The following DMXL1 variants were observed in gnomAD, a reference collection of about 807,000 sequenced individuals.
DMXL1 encodes the protein dmX-like protein 1.
A neutral mutation model predicts 319.2 loss-of-function variants in DMXL1; 99 were observed. That is an observed-to-expected ratio of 0.31 (90% CI 0.26 to 0.37). The LOEUF is 0.37. Among genes scored for constraint, DMXL1 ranks in the 10% least tolerant of loss-of-function variants. The pLI, the probability that DMXL1 is intolerant of heterozygous loss-of-function variation, is 1.00. For synonymous variants in DMXL1, 1,385 were observed against 1,235.2 expected (o/e 1.12, Z -2.54); for missense variants, 3,745 against 3,595.6 (o/e 1.04, Z -1.06).
chr5:119,134,280 A>G lies in DMXL1; in HGVS notation c.2267A>G (p.Asn756Ser), dbSNP rs932373218. 8.1e-6 allele frequency: 13 copies of G among 1,611,808 alleles called. No homozygotes were observed. Among genetic ancestry groups the G allele is most frequent in the South Asian group, 1.1e-5 (1 of 90,528 alleles). ...AAATACTTTCTAGGTGCATACTGCA[A>G]CTCTCCTAGTGCATGCTTTGTAGCC... ...IPSYCLGAYCNSPSACFVASD... is the reference protein window; with the variant it reads ...IPSYCLGAYCSSPSACFVASD... The change falls in exon 13 of 44, where the codon AAC becomes AGC. Residue 756 changes from asparagine to serine, a missense_variant. Transcript: ENST00000539542.
At chr5:119,112,411 T>C (rs1759837537) in intron 5 of DMXL1, among the ~76,000 whole-genome samples, 1 of 152,182 alleles carries the variant, frequency 6.6e-6, no homozygotes, top group African/African-American at 2.4e-5. Context: ...GCTTAGAATA[T>C]TGCTATGAAC....
At chr5:119,177,531 A>T (rs1236666522) in intron 27 of DMXL1, 47 bp downstream of exon 27, 3 of 1,490,288 alleles carry the variant, frequency 2.0e-6, no homozygotes, top group Non-Finnish European at 2.7e-6. Context: ...CTTATTTATA[A>T]TCTTAGATAA....
chr5:119,110,362 A>G, intron 5 of DMXL1, 79 bp downstream of exon 5: 1 of 1,276,458 alleles, frequency 7.8e-7, no homozygotes, highest in Non-Finnish European at 1.0e-6. Context: ...TTAGTTGTGT[A>G]AAACCACACT....
intron 1 of DMXL1, among the ~76,000 whole-genome samples, chr5:119,078,087 A>C (rs770642109): frequency 6.6e-6 from 1 of 151,988 alleles, no homozygotes; most frequent in South Asian, 2.1e-4. Flanking sequence ...TTATTTAAGA[A>C]TTTAGTGGTA....
chr5:119,105,153 G>A, intron 3 of DMXL1, 27 bp from the exon 4 acceptor site: 1 of 1,447,694 alleles, frequency 6.9e-7, no homozygotes, highest in Non-Finnish European at 9.7e-7. Context: ...CAATCATAAT[G>A]GGCTAAATGA....
Position 119,170,784 on chromosome 5 carries a change from A to G in DMXL1, c.5993A>G (p.Asp1998Gly). ...PLQRKTDKKL[D>G]DISSNYTESF... ...CAGAGAAAAACAGATAAAAAGTTGG[A>G]TGACATAAGTTCTAACTACACAGAA... The change falls in exon 24 of 44, where the codon GAT becomes GGT. Residue 1998 changes from aspartate (D) to glycine (G), a missense_variant. Around this residue, in one of 4 missense-constraint regions of DMXL1, gnomAD observed 1,382 missense variants for 1,269.5 expected, o/e 1.09. Transcript: ENST00000539542. 5 of 1,612,182 alleles carry G rather than the reference A, an allele frequency of 3.1e-6. No homozygotes were observed. Among genetic ancestry groups the G allele is most frequent in the Non-Finnish European group, 3.4e-6 (4 of 1,179,634 alleles).
intron 1 of DMXL1, among the ~76,000 whole-genome samples, chr5:119,085,997 C>T (rs958902287): frequency 1.3e-5 from 2 of 152,062 alleles, no homozygotes; most frequent in East Asian, 3.8e-4. Context: ...TATTGATTTA[C>T]ATATTGTATT....
At chr5:119,151,898 A>G in intron 18 of DMXL1, 31 bp from the exon 19 acceptor site, 2 of 1,474,952 alleles carry the variant, frequency 1.4e-6, no homozygotes, top group Admixed American at 3.5e-5. Context: ...TTTTTTTTTT[A>G]ATACATTGCT....
intron 29 of DMXL1, among the ~76,000 whole-genome samples, 167 bp from the exon 30 acceptor site, chr5:119,193,661 G>A (rs1405223816): frequency 6.6e-6 from 1 of 152,100 alleles, no homozygotes; most frequent in Non-Finnish European, 1.5e-5. Flanking sequence ...ATAAATAATG[G>A]AATAGTATCA....
At chr5:119,202,814 G>A (rs1057387400) in intron 32 of DMXL1, among the ~76,000 whole-genome samples, 1 of 147,136 alleles carries the variant, frequency 6.8e-6, no homozygotes, top group Admixed American at 6.9e-5. Context: ...TCGCCCTGTT[G>A]CACTCCAGTC....
At position 119,247,878 on chromosome 5, in the gene DMXL1, G is replaced by T. The variant is rs1790047328; in HGVS notation, c.*659G>T. ...TAGTTGTATATATTAGCGAAAACTG[G>T]TTTTTCATGTGTTTTTGTGCCATAA... On this transcript the variant is annotated 3_prime_UTR_variant, in exon 44 of 44. Transcript: ENST00000539542. 1 of 151,808 alleles carries T rather than the reference G, an allele frequency of 6.6e-6. No individual in the cohort carries two copies. Among genetic ancestry groups the T allele is most frequent in the South Asian group, 2.1e-4 (1 of 4,812 alleles). The allele number at this position is 151,808 out of a possible 1,614,324, so 9.4% of individuals were successfully genotyped here.
At position 119,194,042 on chromosome 5, in the gene DMXL1, A is replaced by C. The variant is rs1056588174; in HGVS notation, c.7457+72A>C. Reference sequence around the variant, plus strand: ...TATAAATAATATTTTTGAAAAAATTACATGTGAAATTAATAGCTTGTTGAC... The same window carrying C: ...TATAAATAATATTTTTGAAAAAATTCCATGTGAAATTAATAGCTTGTTGAC... On this transcript the variant is annotated intron_variant, in intron 30 of 43. Transcript: ENST00000539542. 1.3e-5 allele frequency: 15 copies of C among 1,111,296 alleles called. No homozygotes were observed. The African/African-American group carries it at 2.4e-4, about 18-fold the overall frequency. 68.8% of individuals were successfully genotyped at this position (1,111,296 alleles called of 1,614,324 possible). A position where few individuals can be genotyped will look rare whatever the true frequency, so the allele number is the denominator to read the frequency against.
chr5:119,189,803 G>A lies in DMXL1; in HGVS notation c.7231G>A (p.Ala2411Thr), dbSNP rs995606202. The A allele has an allele frequency of 1.9e-6, 3 of 1,614,114 alleles. No individual in the cohort carries two copies. The highest frequency in any genetic ancestry group is 2.5e-6 in the Non-Finnish European group (3 of 1,180,000). The change falls in exon 29 of 44, where the codon GCA (alanine) becomes ACA (threonine). Residue 2411 changes from alanine (A) to threonine (T), a missense_variant. Ala to Thr is a moderately conservative substitution (Grantham distance 58). Coordinates refer to ENST00000539542, the MANE Select transcript of DMXL1 (RefSeq NM_001290321.3). ...ATCTGCCCCACTGACCCCTTCCTCG[G>A]CACCAGTAAGCCAGGAGTCACTGGC... ...RESAPLTPSS[A>T]PVSQESLAVK...
At chr5:119,131,239 C>G (rs1474716849) in intron 10 of DMXL1, among the ~76,000 whole-genome samples, 1 of 150,774 alleles carries the variant, frequency 6.6e-6, no homozygotes. Context: ...AAATATATCT[C>G]TTCAGAGAAA....
chr5:119,196,544 T>TG lies in DMXL1; in HGVS notation c.7543+94dup, dbSNP rs1209191959. The TG allele has an allele frequency of 1.1e-5, 10 of 888,430 alleles. No homozygotes were observed. In the African/African-American group the frequency reaches 1.6e-4, roughly 14 times the overall value. 55.0% of individuals were successfully genotyped at this position (888,430 alleles called of 1,614,324 possible). ...TTTTTTTTTTTTTTTTGGTCTGGAC[T>TG]GGGGGGAAAATTTAGTGATTTCCTG... On this transcript the variant is annotated intron_variant, in intron 31 of 43. Coordinates refer to ENST00000539542, the MANE Select transcript of DMXL1 (RefSeq NM_001290321.3).
At chr5:119,245,291 G>C (rs1789533586) in intron 43 of DMXL1, among the ~76,000 whole-genome samples, 1 of 151,994 alleles carries the variant, frequency 6.6e-6, no homozygotes, top group South Asian at 2.1e-4. Context: ...AGACTAGGGG[G>C]GTTTAGTTTC....
intron 4 of DMXL1, among the ~76,000 whole-genome samples, chr5:119,106,590 C>T (rs1023034611): frequency 6.6e-6 from 1 of 152,012 alleles, no homozygotes; most frequent in Non-Finnish European, 1.5e-5. Context: ...GAATTTAATT[C>T]TTTATGGTTG....
At chr5:119,178,579 G>A (rs1418892263) in intron 28 of DMXL1, 3 of 983,324 alleles carry the variant, frequency 3.1e-6, no homozygotes, top group Non-Finnish European at 3.6e-6. Context: ...TGGCAGGAAG[G>A]CACTTTGCTA....
chr5:119,151,334 C>A (rs1396795294), intron 18 of DMXL1, among the ~76,000 whole-genome samples: 1 of 151,682 alleles, frequency 6.6e-6, no homozygotes, highest in Non-Finnish European at 1.5e-5. Flanking sequence ...CGTCAGTATC[C>A]CTTTGAATGA....
Sources: allele counts gnomAD v4.1 joint callset (sites outside exome capture counted in the v4.1 genomes callset), GRCh38; gene constraint gnomAD v4.1.1; regional missense constraint gnomAD v4.1.1; transcripts MANE v1.5; gene names NCBI Gene and HGNC (gene_info 2026-07-23, HGNC 2026-07-21).